Variants in PSMA1 observed in about 807,000 individuals in gnomAD.
The protein encoded by PSMA1 is proteasome subunit alpha type-1.
In PSMA1, 3 loss-of-function variants were observed where a neutral mutation model predicts 38.4. That is an observed-to-expected ratio of 0.08 (90% CI 0.04 to 0.20). The LOEUF (loss-of-function observed/expected upper bound fraction) is 0.20. Among genes scored for constraint, PSMA1 ranks in the 10% least tolerant of loss-of-function variants. The pLI, the probability that PSMA1 is intolerant of heterozygous loss-of-function variation, is 1.00. For missense variants in PSMA1, 227 were observed against 325.3 expected, an observed-to-expected ratio of 0.70 and a Z score of 2.32; for synonymous variants, 101 against 107.1, an observed-to-expected ratio of 0.94 and a Z score of 0.35.
intron 1 of PSMA1, among the ~76,000 whole-genome samples, chr11:14,631,064 T>C (rs1260933824): frequency 6.6e-6 from 1 of 152,074 alleles, no homozygotes; most frequent in African/African-American, 2.4e-5. Context: ...CTTTTTTTCT[T>C]TATTAGTCTT....
chr11:14,509,869 G>A (rs1013114943), intron 8 of PSMA1, among the ~76,000 whole-genome samples: 1 of 151,894 alleles, frequency 6.6e-6, no homozygotes, highest in Admixed American at 6.6e-5. Flanking sequence ...GACTACAGGC[G>A]CCTGCCACCA....
intron 2 of PSMA1, chr11:14,610,925 T>C (rs1459898760): frequency 6.3e-7 from 1 of 1,599,162 alleles, no homozygotes; most frequent in African/African-American, 1.3e-5. Context: ...ATGTGAAATC[T>C]ATGCATTCTG....
intron 1 of PSMA1, among the ~76,000 whole-genome samples, chr11:14,638,230 A>C (rs937976386): frequency 4.6e-5 from 7 of 152,104 alleles, no homozygotes; most frequent in African/African-American, 1.7e-4. Context: ...TTTCAAATGA[A>C]GTTCCCAGAG....
intron 1 of PSMA1, among the ~76,000 whole-genome samples, chr11:14,611,388 T>A (rs1031021255): frequency 1.2e-4 from 19 of 152,164 alleles, no homozygotes; most frequent in Admixed American, 6.5e-4. Flanking sequence ...TAAAATGAGG[T>A]TAGTGGTCAA....
intron 2 of PSMA1, among the ~76,000 whole-genome samples, chr11:14,542,852 A>C (rs1211765641): frequency 6.6e-6 from 1 of 152,114 alleles, no homozygotes; most frequent in Non-Finnish European, 1.5e-5. Flanking sequence ...CCTTCTCAGA[A>C]TGATTTTTTT....
At chr11:14,539,073 T>C (rs1001801932) in intron 2 of PSMA1, among the ~76,000 whole-genome samples, 13 of 152,312 alleles carry the variant, frequency 8.5e-5, no homozygotes, top group African/African-American at 2.9e-4. Flanking sequence ...TTCTTATGGG[T>C]TCTCAAAGGC....
At chr11:14,570,125 C>T (rs1238051335) in intron 2 of PSMA1, among the ~76,000 whole-genome samples, 4 of 152,212 alleles carry the variant, frequency 2.6e-5, no homozygotes, top group Non-Finnish European at 4.4e-5. Context: ...CAGCAAACTC[C>T]AACAGACCTG....
chr11:14,637,417 C>A (rs530845599), intron 1 of PSMA1, among the ~76,000 whole-genome samples: 106 of 152,320 alleles, frequency 7.0e-4, no homozygotes, highest in African/African-American at 2.3e-3. Flanking sequence ...CATTTGTTTA[C>A]TTATTTTCTC....
At chr11:14,585,914 T>C (rs1310877156) in intron 2 of PSMA1, among the ~76,000 whole-genome samples, 1 of 152,142 alleles carries the variant, frequency 6.6e-6, no homozygotes, top group Non-Finnish European at 1.5e-5. Context: ...ATACAACCAA[T>C]TAAATTAGAA....
upstream of PSMA1, among the ~76,000 whole-genome samples, chr11:14,524,109 CAAAAAAAAAAAAAAAA>C (rs71044009): frequency 1.8e-5 from 1 of 54,204 alleles, no homozygotes; most frequent in Admixed American, 3.0e-4. Context: ...GACCCTGTCT[CAAAAAAAAAAAAAAAA>C]AAAAAAAAAA....
intron 2 of PSMA1, among the ~76,000 whole-genome samples, chr11:14,591,927 T>A (rs1415246218): frequency 6.6e-6 from 1 of 152,146 alleles, no homozygotes; most frequent in Non-Finnish European, 1.5e-5. Flanking sequence ...TTGCTACTGC[T>A]CACTCTTTAG....
Position 14,532,719 on chromosome 11 carries a change from G to A in PSMA1, c.22-13678C>T, listed in dbSNP as rs570662078. ...TCCCAGCACTCTGGGAGGCCAAGGC[G>A]GGCAGACCACTTGAGGTCAGGAGTT... On this transcript the variant is annotated intron_variant, in intron 2 of 10. Coordinates refer to the PSMA1 transcript ENST00000418988. Among the ~76,000 whole-genome samples, 114 of 152,056 alleles carry A rather than the reference G, an allele frequency of 7.5e-4. 2 individuals carry two copies. Among genetic ancestry groups the A allele is most frequent in the South Asian group, 5.2e-3 (25 of 4,820 alleles).
intron 1 of PSMA1, among the ~76,000 whole-genome samples, chr11:14,632,558 C>T (rs1853036328): frequency 6.6e-6 from 1 of 151,122 alleles, no homozygotes; most frequent in Admixed American, 6.6e-5. Context: ...ATGGGCTTCC[C>T]TTTGAGGGTA....
At chr11:14,589,387 A>G (rs924519837) in intron 2 of PSMA1, among the ~76,000 whole-genome samples, 17 of 144,840 alleles carry the variant, frequency 1.2e-4, no homozygotes, top group African/African-American at 4.2e-4. Flanking sequence ...GTGTGTGTAT[A>G]TATATGTGTG....
At chr11:14,536,960 C>G (rs1481445096) in intron 2 of PSMA1, among the ~76,000 whole-genome samples, 1 of 152,198 alleles carries the variant, frequency 6.6e-6, no homozygotes, top group African/African-American at 2.4e-5. Context: ...AATTTCTTTT[C>G]CTTTAGCTTG....
chr11:14,596,278 A>G (rs1429869405), intron 2 of PSMA1, among the ~76,000 whole-genome samples: 1 of 152,204 alleles, frequency 6.6e-6, no homozygotes, highest in Non-Finnish European at 1.5e-5. Flanking sequence ...CAATTCTGTG[A>G]AGAACGTCAT....
chr11:14,627,235 T>C (rs766191987), intron 1 of PSMA1, among the ~76,000 whole-genome samples: 7 of 152,180 alleles, frequency 4.6e-5, no homozygotes, highest in Non-Finnish European at 8.8e-5. Context: ...GTTTCATCCA[T>C]AACACTCATC....
chr11:14,510,983 A>C, intron 7 of PSMA1, 32 bp from the exon 8 acceptor site: 2 of 1,392,940 alleles, frequency 1.4e-6, no homozygotes, highest in Non-Finnish European at 2.0e-6. Context: ...TTATTTCTTA[A>C]TTTCATTGTT....
chr11:14,505,428 T>C (rs191398439), intron 9 of PSMA1, among the ~76,000 whole-genome samples, 180 bp from the exon 10 acceptor site: 41 of 152,250 alleles, frequency 2.7e-4, no homozygotes, highest in African/African-American at 7.9e-4. Flanking sequence ...TCTCCTTGAG[T>C]GCTCATGATT....
Sources: allele counts gnomAD v4.1 joint callset (sites outside exome capture counted in the v4.1 genomes callset), GRCh38; gene constraint gnomAD v4.1.1; transcripts MANE v1.5; gene names NCBI Gene and HGNC (gene_info 2026-07-23, HGNC 2026-07-21).